The following CCBE1 variants were observed in gnomAD, a reference collection of about 807,000 sequenced individuals.
CCBE1 encodes collagen and calcium binding EGF domains 1.
Under a neutral mutation model 50.0 loss-of-function variants are expected in CCBE1, and 37 were observed. The ratio of observed to expected loss-of-function variants is 0.74; its 90% CI spans 0.57 to 0.97. The LOEUF (loss-of-function observed/expected upper bound fraction) is 0.97. Among genes scored for constraint, CCBE1 ranks in the 50% least tolerant of loss-of-function variants. CCBE1 has a pLI of 0.00. For synonymous variants in CCBE1, 234 were observed against 203.7 expected, an observed-to-expected ratio of 1.15 and a Z score of -1.27; for missense variants, 538 against 523.8, an observed-to-expected ratio of 1.03 and a Z score of -0.26.
At position 59,671,259 on chromosome 18, in the gene CCBE1, G is replaced by A. The variant is rs555277097; in HGVS notation, c.212+25370C>T. The stretch of plus-strand genomic sequence containing the variant: ...CATACCTGTAATCCCAGCACTTTGG[G>A]AGGCAGCCAAGACTGGCAGATCACT... On this transcript the variant is annotated intron_variant, in intron 2 of 10. Coordinates refer to ENST00000439986, the MANE Select transcript of CCBE1 (RefSeq NM_133459.4). Among the ~76,000 whole-genome samples, 6 of 152,196 alleles carry A rather than the reference G, an allele frequency of 3.9e-5. No individual in the cohort carries two copies. The East Asian group carries it at 1.2e-3, about 29-fold the overall frequency.
At chr18:59,669,166 G>A (rs2054399229) in intron 2 of CCBE1, among the ~76,000 whole-genome samples, 1 of 152,024 alleles carries the variant, frequency 6.6e-6, no homozygotes, top group Non-Finnish European at 1.5e-5. Context: ...ATGAAGTATT[G>A]CCTTTTTAGC....
At chr18:59,658,601 G>C (rs1197349484) in intron 2 of CCBE1, among the ~76,000 whole-genome samples, 1 of 145,758 alleles carries the variant, frequency 6.9e-6, no homozygotes, top group Non-Finnish European at 1.5e-5. Flanking sequence ...TCAGATATTG[G>C]CAGGGCACAG....
chr18:59,652,686 C>G (rs977553877), intron 2 of CCBE1, among the ~76,000 whole-genome samples: 3 of 152,180 alleles, frequency 2.0e-5, no homozygotes, highest in African/African-American at 7.2e-5. Context: ...GATTTTCGGC[C>G]GGGCGCAGTG....
chr18:59,608,823 A>T (rs2053534488), intron 2 of CCBE1, among the ~76,000 whole-genome samples: 1 of 152,228 alleles, frequency 6.6e-6, no homozygotes, highest in Non-Finnish European at 1.5e-5. Flanking sequence ...TCTACACATT[A>T]GATCCTTGCT....
chr18:59,608,593 T>G (rs1459340165), intron 2 of CCBE1, among the ~76,000 whole-genome samples: 1 of 152,178 alleles, frequency 6.6e-6, no homozygotes, highest in East Asian at 1.9e-4. Flanking sequence ...GAAGTCAAAT[T>G]TGTCAACTAC....
intron 7 of CCBE1, among the ~76,000 whole-genome samples, chr18:59,444,167 T>A (rs771951522): frequency 1.1e-4 from 17 of 152,240 alleles, no homozygotes; most frequent in Non-Finnish European, 7.3e-5. Context: ...TTATATCCAT[T>A]GATGGACACT....
chr18:59,669,794 C>T (rs900217704), intron 2 of CCBE1, among the ~76,000 whole-genome samples: 2 of 152,222 alleles, frequency 1.3e-5, no homozygotes, highest in African/African-American at 4.8e-5. Flanking sequence ...TCAGGCCCAC[C>T]TTTCAGCTGC....
intron 2 of CCBE1, among the ~76,000 whole-genome samples, chr18:59,599,679 C>T (rs2053405046): frequency 6.6e-6 from 1 of 152,172 alleles, no homozygotes; most frequent in Non-Finnish European, 1.5e-5. Flanking sequence ...AGCAGGATTA[C>T]TTACTGTCTC....
intron 2 of CCBE1, among the ~76,000 whole-genome samples, chr18:59,654,876 G>C (rs983772959): frequency 6.6e-6 from 1 of 151,472 alleles, no homozygotes; most frequent in African/African-American, 2.4e-5. Flanking sequence ...GCCGAGGCAG[G>C]TGGATCACTT....
intron 1 of CCBE1, 106 bp downstream of exon 1, chr18:59,697,106 G>T (rs528217799): frequency 1.4e-6 from 2 of 1,438,918 alleles, no homozygotes; most frequent in Non-Finnish European, 1.9e-6. Context: ...AAGTGAGGGC[G>T]TGCGGATCGC....
chr18:59,692,832 G>T (rs1227863572), intron 2 of CCBE1, among the ~76,000 whole-genome samples: 3 of 152,062 alleles, frequency 2.0e-5, no homozygotes, highest in African/African-American at 7.2e-5. Context: ...GGGCAGAGAG[G>T]CACCTGGGGC....
chr18:59,512,920 C>A (rs545312865), intron 2 of CCBE1, among the ~76,000 whole-genome samples: 1 of 152,284 alleles, frequency 6.6e-6, no homozygotes, highest in South Asian at 2.1e-4. Context: ...GGGCAGGAGA[C>A]ATCAGAGCAC....
intron 2 of CCBE1, among the ~76,000 whole-genome samples, chr18:59,624,341 A>G (rs528877976): frequency 1.3e-5 from 2 of 152,268 alleles, no homozygotes; most frequent in Non-Finnish European, 2.9e-5. Flanking sequence ...ATGCAAGGGC[A>G]TACTAAAGTT....
At chr18:59,537,074 G>GC in intron 2 of CCBE1, among the ~76,000 whole-genome samples, 1 of 151,954 alleles carries the variant, frequency 6.6e-6, no homozygotes. Flanking sequence ...TTAGCATACA[G>GC]CCCCTGGGTA....
At chr18:59,589,664 T>C (rs2053230860) in intron 2 of CCBE1, among the ~76,000 whole-genome samples, 1 of 151,174 alleles carries the variant, frequency 6.6e-6, no homozygotes, top group East Asian at 2.0e-4. Flanking sequence ...CCGGGTGTGG[T>C]GGTGGGTGCC....
rs1912386013 is a variant in CCBE1, at chr18:59,477,825, T to C, written c.265+2361A>G. On this transcript the variant is annotated intron_variant, in intron 3 of 10. Coordinates refer to ENST00000439986, the MANE Select transcript of CCBE1 (RefSeq NM_133459.4). ...ATACAACTTTGTTATTGCCTTTATC[T>C]GGAGATTAGGTATGGTTTAAGAAGA... 2.6e-5 allele frequency among the ~76,000 whole-genome samples: 4 copies of C among 152,310 alleles called. 1 individual carries two copies. In the South Asian group the frequency reaches 8.3e-4, roughly 32 times the overall value.
chr18:59,512,953 G>A (rs1914197466), intron 2 of CCBE1, among the ~76,000 whole-genome samples: 1 of 152,176 alleles, frequency 6.6e-6, no homozygotes, highest in Admixed American at 6.5e-5. Context: ...AGGGAAAAAA[G>A]AAAATGAGAC....
At chr18:59,493,622 G>A (rs901255688) in intron 2 of CCBE1, among the ~76,000 whole-genome samples, 4 of 152,012 alleles carry the variant, frequency 2.6e-5, no homozygotes, top group African/African-American at 9.7e-5. Context: ...GCCAGGACAT[G>A]AGCCCAGGCT....
chr18:59,622,673 C>A (rs148513947), intron 2 of CCBE1, among the ~76,000 whole-genome samples: 1,937 of 147,534 alleles, frequency 0.013, 21 homozygotes, highest in Non-Finnish European at 0.02. Context: ...TGGTGGCATG[C>A]GCCTATAATC....
Sources: gnomAD v4.1 joint callset for allele counts (sites outside exome capture counted in the v4.1 genomes callset) on GRCh38, gnomAD v4.1.1 for gene constraint, MANE v1.5 for transcripts, NCBI Gene and HGNC (gene_info 2026-07-23, HGNC 2026-07-21) for gene names.